Variants in COCH observed in about 807,000 individuals in gnomAD.
The protein encoded by COCH is cochlin.
Under a neutral mutation model 54.8 loss-of-function variants are expected in COCH, and 40 were observed. The ratio of observed to expected loss-of-function variants is 0.73; its 90% CI spans 0.57 to 0.95. The LOEUF is 0.95. COCH is among the 40% of genes least tolerant of loss of function. The pLI, the probability that COCH is intolerant of heterozygous loss-of-function variation, is 0.00. For missense variants in COCH, 605 were observed against 675.0 expected, an observed-to-expected ratio of 0.90 and a Z score of 1.15; for synonymous variants, 256 against 237.9, an observed-to-expected ratio of 1.08 and a Z score of -0.70.
At chr14:30,889,293 A>G in intron 11 of COCH, 1 of 313,064 alleles carries the variant, frequency 3.2e-6, no homozygotes, top group Non-Finnish European at 6.1e-6. Flanking sequence ...GATCAGGTTA[A>G]AAGTCTTCTT....
chr14:30,880,871 C>T (rs1466941807), intron 8 of COCH, 137 bp downstream of exon 8: 5 of 710,862 alleles, frequency 7.0e-6, no homozygotes, highest in Admixed American at 4.5e-5. Flanking sequence ...GAGTAATTAG[C>T]ATATCCATCA....
In COCH at chr14:30,874,983, G is replaced by T. The variant is rs765175788; in HGVS notation, c.34+11G>T. ...CGGCTCTCGGCCTCGGTGGGTGCGC[G>T]CCCCTCACGACCCCGGCCCCTTGCT... On this transcript the variant is annotated intron_variant, in intron 2 of 11. Coordinates refer to ENST00000396618, the MANE Select transcript of COCH (RefSeq NM_004086.3). 7 of 1,613,004 alleles carry T rather than the reference G, an allele frequency of 4.3e-6. No homozygotes were observed. The highest frequency in any genetic ancestry group is 5.9e-6 in the Non-Finnish European group (7 of 1,179,860).
chr14:30,889,433 C>T (rs137883850), intron 11 of COCH, 183 bp from the exon 12 acceptor site: 1 of 605,658 alleles, frequency 1.7e-6, no homozygotes, highest in Admixed American at 2.7e-5. Context: ...GTTTGGACCA[C>T]TCTTTTGCCA....
intron 3 of COCH, chr14:30,875,333 C>A: frequency 1.6e-6 from 1 of 634,284 alleles, no homozygotes; most frequent in Non-Finnish European, 2.7e-6. Context: ...GGGGGACGTT[C>A]TCCAAGAGCA....
downstream of COCH, chr14:30,895,459 T>C: frequency 1.2e-6 from 2 of 1,613,972 alleles, no homozygotes; most frequent in Non-Finnish European, 1.7e-6. Context: ...TAGCTATATA[T>C]GCTTTTGACG....
rs751552396 is a variant in COCH at position 30,885,880 on chromosome 14, AAGCT to A, written c.1046_1049del (p.Lys349SerfsTer7). 6.2e-7 allele frequency: 1 copy of A among 1,614,112 alleles called. No homozygotes were observed. The highest frequency in any genetic ancestry group is 1.3e-5 in the African/African-American group (1 of 74,946). On this transcript the variant is annotated frameshift_variant, in exon 11 of 12. Transcript: ENST00000396618. LOFTEE classifies it high-confidence loss of function. Reference sequence around the variant, plus strand: ...AAAATACGTAAAGCCTCTGGTACAGAAGCTGTGCACTCATGAACAAATGATGTGC... The same window carrying A: ...AAAATACGTAAAGCCTCTGGTACAGAGTGCACTCATGAACAAATGATGTGC...
In COCH at chr14:30,877,725, A is replaced by G. The variant is rs1895417758; in HGVS notation, c.236A>G (p.His79Arg). 1 of 1,614,190 alleles carries G rather than the reference A, an allele frequency of 6.2e-7. No individual in the cohort carries two copies. Among genetic ancestry groups the G allele is most frequent in the East Asian group, 2.2e-5 (1 of 44,882 alleles). The stretch of plus-strand genomic sequence containing the variant: ...TCGAGCATATGTGGGGCTGCTGTCC[A>G]CAGGTAAGCCCAAACACACCAGGGT... Reference protein sequence around the residue: ...SVSSICGAAVHRGVISNSGGP... With the variant: ...SVSSICGAAVRRGVISNSGGP... Residue 79 changes from histidine (H) to arginine (R), a missense_variant, in exon 4 of 12, where the codon CAC becomes CGC. Transcript: ENST00000396618. The surrounding 1 kb of genome is among the most constrained non-coding windows in gnomAD (Gnocchi z 8.6).
intron 10 of COCH, 33 bp from the exon 11 acceptor site, chr14:30,885,762 CT>C: frequency 1.2e-6 from 2 of 1,612,244 alleles, no homozygotes. Context: ...ACTTTTGATC[CT>C]TTTGGATATC....
Position 30,885,622 on chromosome 14 carries a change from T to C in COCH, c.960+2T>C. The C allele has an allele frequency of 1.3e-6, 2 of 1,578,428 alleles. No individual in the cohort carries two copies. The highest frequency in any genetic ancestry group is 1.7e-6 in the Non-Finnish European group (2 of 1,147,564). On this transcript the variant is annotated splice_donor_variant, in intron 10 of 11. Transcript: ENST00000396618. LOFTEE classifies it high-confidence loss of function. ...CAGGATGTCACATTTGTTGACAAGGTAAAGTGGTGAGGGTTATCTTCTGTT... is the reference window on the plus strand; with the variant it reads ...CAGGATGTCACATTTGTTGACAAGGCAAAGTGGTGAGGGTTATCTTCTGTT...
downstream of COCH, among the ~76,000 whole-genome samples, chr14:30,890,880 G>GA (rs201479726): frequency 1.1e-3 from 168 of 150,502 alleles, 6 homozygotes; most frequent in Admixed American, 0.01. Flanking sequence ...CTACAAAAAA[G>GA]AAAAAAAAAT....
Position 30,875,575 on chromosome 14 carries a change from T to C in COCH, c.82+472T>C, listed in dbSNP as rs559305881. On this transcript the variant is annotated intron_variant, in intron 3 of 11. Coordinates refer to ENST00000396618, the MANE Select transcript of COCH (RefSeq NM_004086.3). ...CGCTGTCCCACCTTGTTTGACTCGC[T>C]AGCTATGTTTCTAGGTGTAACCCCT... The C allele has an allele frequency of 1.0e-4, 46 of 456,276 alleles. No homozygotes were observed. The Middle Eastern group carries it at 1.7e-3, about 17-fold the overall frequency. 28.3% of individuals were successfully genotyped at this position (456,276 alleles called of 1,614,324 possible).
chr14:30,875,794 T>A (rs1384331142), intron 3 of COCH: 1 of 153,114 alleles, frequency 6.5e-6, no homozygotes, highest in Non-Finnish European at 1.5e-5. Context: ...GCTGTATTTC[T>A]CCCGCTCTAC....
At chr14:30,889,529 G>A in intron 11 of COCH, 87 bp from the exon 12 acceptor site, 2 of 1,200,428 alleles carry the variant, frequency 1.7e-6, no homozygotes, top group Admixed American at 1.8e-5. Flanking sequence ...CTGCAACTAT[G>A]TAACAGTGTA....
At chr14:30,880,834 T>C in intron 8 of COCH, 100 bp downstream of exon 8, 1 of 868,966 alleles carries the variant, frequency 1.2e-6, no homozygotes, top group East Asian at 2.6e-5. Flanking sequence ...GATGTTTTCA[T>C]ACATACAATG....
At chr14:30,884,700 A>G (rs754492831) in intron 9 of COCH, 44 bp downstream of exon 9, 2 of 1,418,526 alleles carry the variant, frequency 1.4e-6, no homozygotes, top group South Asian at 1.1e-5. Context: ...GGAGAGGGTT[A>G]TCAGTGATCA....
intron 11 of COCH, among the ~76,000 whole-genome samples, chr14:30,887,408 A>G (rs571611309): frequency 6.6e-6 from 1 of 151,732 alleles, no homozygotes; most frequent in Non-Finnish European, 1.5e-5. Context: ...AGAAAAAAAA[A>G]AAAAAAAAAA....
At position 30,882,120 on chromosome 14, in the gene COCH, GTTTTTTT is replaced by G. The variant is rs61175020; in HGVS notation, c.629+1407_629+1413del. On this transcript the variant is annotated intron_variant, in intron 8 of 11. Transcript: ENST00000396618. The stretch of plus-strand genomic sequence containing the variant: ...CCCTAGAGATAATCACTATAAAATG[GTTTTTTT>G]TTTTTTTTTTTTTTTTTTTTGAGAC... Among the ~76,000 whole-genome samples the G allele has an allele frequency of 3.5e-3, 239 of 67,876 alleles. 1 individual carries two copies. Among genetic ancestry groups the G allele is most frequent in the Middle Eastern group, 0.022 (2 of 90 alleles). The allele number at this position is 67,876 out of a possible 152,430, so 44.5% of individuals were successfully genotyped here.
In COCH at chr14:30,875,059, T is replaced by C. The variant is rs1895303852; in HGVS notation, c.38T>C (p.Val13Ala). ...CCTCACGCTTCTCTCTTCGCAGGTGTGTGTCTGCTGCTGCTGCCGGGGCCC... is the reference window on the plus strand; with the variant it reads ...CCTCACGCTTCTCTCTTCGCAGGTGCGTGTCTGCTGCTGCTGCCGGGGCCC... Reference protein sequence around the residue: ...AAWIPALGLGVCLLLLPGPAG... With the variant: ...AAWIPALGLGACLLLLPGPAG... Residue 13 changes from valine (V) to alanine (A), a missense_variant, in exon 3 of 12, where the codon GTG becomes GCG. Transcript: ENST00000396618. The C allele has an allele frequency of 1.2e-6, 2 of 1,608,778 alleles. No homozygotes were observed. Among genetic ancestry groups the C allele is most frequent in the Non-Finnish European group, 1.7e-6 (2 of 1,178,190 alleles).
At chr14:30,884,294 A>C (rs540782298) in intron 8 of COCH, among the ~76,000 whole-genome samples, 1 of 152,346 alleles carries the variant, frequency 6.6e-6, no homozygotes, top group Non-Finnish European at 1.5e-5. Flanking sequence ...GCTATGATGA[A>C]ATGAGGTTTT....
Sources: gnomAD v4.1 joint callset for allele counts (sites outside exome capture counted in the v4.1 genomes callset) on GRCh38, gnomAD v4.1.1 for gene constraint, Gnocchi (gnomAD v3.1) non-coding constraint, MANE v1.5 for transcripts, NCBI Gene and HGNC (gene_info 2026-07-23, HGNC 2026-07-21) for gene names.